ITGAE: variants seen among roughly 807,000 people sequenced by gnomAD.
ITGAE encodes the protein integrin alpha-E.
In ITGAE, 99 loss-of-function variants were observed where a neutral mutation model predicts 136.5. That is an observed-to-expected ratio of 0.73 (90% confidence interval 0.62 to 0.86). ITGAE has a LOEUF of 0.86. ITGAE is among the 40% of genes least tolerant of loss of function. The pLI is 0.00. For missense variants in ITGAE, 1,447 were observed against 1,515.3 expected, an observed-to-expected ratio of 0.95 and a Z score of 0.75; for synonymous variants, 613 against 591.8, an observed-to-expected ratio of 1.04 and a Z score of -0.52.
At chr17:3,742,404 CTA>C (rs1341912433) in intron 19 of ITGAE, among the ~76,000 whole-genome samples, 2 of 150,374 alleles carry the variant, frequency 1.3e-5, no homozygotes, top group Non-Finnish European at 3.0e-5. Flanking sequence ...GATTATTGTA[CTA>C]TGTTAAGACA....
intron 26 of ITGAE, chr17:3,724,377 C>T (rs1432397167): frequency 6.2e-7 from 1 of 1,608,290 alleles, no homozygotes; most frequent in East Asian, 2.2e-5. Context: ...CCGCCTCAGC[C>T]CGGACCTCAG....
At chr17:3,725,895 A>G in intron 26 of ITGAE, 2 of 1,612,388 alleles carry the variant, frequency 1.2e-6, no homozygotes, top group South Asian at 2.2e-5. Context: ...ACACTGGGGG[A>G]ACGTGCTCTT....
chr17:3,795,769 ACGTG>A (rs374218569), intron 1 of ITGAE, among the ~76,000 whole-genome samples: 4,724 of 152,164 alleles, frequency 0.031, 267 homozygotes, highest in African/African-American at 0.11. Flanking sequence ...GAGACTGTGT[ACGTG>A]CGTGTGTGCA....
chr17:3,748,315 G>A (rs769445692), intron 16 of ITGAE, among the ~76,000 whole-genome samples: 9 of 152,248 alleles, frequency 5.9e-5, no homozygotes, highest in Non-Finnish European at 2.9e-5. Flanking sequence ...GGCCGAGTGC[G>A]GTGGCTCACG....
chr17:3,731,121 G>C lies in ITGAE; in HGVS notation c.2817C>G (p.Ile939Met), dbSNP rs765228710. ...GTACTTACTTGGTGACAGTCACAGTGATGTCTGCTGTCCTGTTTGGAAAGG... is the reference window on the plus strand; with the variant it reads ...GTACTTACTTGGTGACAGTCACAGTCATGTCTGCTGTCCTGTTTGGAAAGG... ...ENAFPNRTAD[I>M]TVTVTNSNER... Residue 939 changes from isoleucine (I) to methionine (M), a missense_variant, in exon 23 of 31, where the codon ATC (isoleucine) becomes ATG (methionine). Around this residue, in one of 3 missense-constraint regions of ITGAE, gnomAD observed 1,031 missense variants for 1,011.4 expected, o/e 1.02. Coordinates refer to ENST00000263087, the MANE Select transcript of ITGAE (RefSeq NM_002208.5). 1.9e-6 allele frequency: 3 copies of C among 1,613,372 alleles called. No homozygotes were observed. Among genetic ancestry groups the C allele is most frequent in the South Asian group, 2.2e-5 (2 of 91,062 alleles).
chr17:3,769,530 G>C (rs2052371985), intron 2 of ITGAE, among the ~76,000 whole-genome samples: 1 of 152,162 alleles, frequency 6.6e-6, no homozygotes, highest in Non-Finnish European at 1.5e-5. Context: ...CAGGTTTGTT[G>C]ACCACGTGGC....
chr17:3,741,070 A>ATTTTTTTT (rs58434003), intron 19 of ITGAE, among the ~76,000 whole-genome samples: 3 of 76,784 alleles, frequency 3.9e-5, no homozygotes, highest in Non-Finnish European at 6.9e-5. Flanking sequence ...TTTTTGTTGT[A>ATTTTTTTT]TTTTTTTTTT....
At chr17:3,738,781 A>G (rs1045313875) in intron 20 of ITGAE, 1 of 152,382 alleles carries the variant, frequency 6.6e-6, no homozygotes, top group Non-Finnish European at 1.5e-5. Context: ...CTCCGCCTCC[A>G]TTCTGTCAGC....
intron 1 of ITGAE, among the ~76,000 whole-genome samples, chr17:3,785,451 G>C (rs901841046): frequency 6.7e-6 from 1 of 150,330 alleles, no homozygotes; most frequent in African/African-American, 2.5e-5. Flanking sequence ...CCTAGGCACA[G>C]AGTGAGACTT....
chr17:3,786,392 G>A (rs2052799330), intron 1 of ITGAE, among the ~76,000 whole-genome samples: 1 of 151,938 alleles, frequency 6.6e-6, no homozygotes, highest in African/African-American at 2.4e-5. Flanking sequence ...CATTTAAAGA[G>A]AAATAATGCC....
Position 3,727,927 on chromosome 17 carries a change from T to C in ITGAE, c.3076A>G (p.Arg1026Gly). ...LQVVAVKKLT[R>G]TQASTVCTWS... is the part of the protein sequence containing the mutation. ...GAACTGCCTTTAAATACCTGAGTCC[T>C]CGTCAGCTTCTTCACTGCTACAACC... The change falls in exon 26 of 31, where the codon AGG (arginine) becomes GGG (glycine). Residue 1026 changes from arginine (R) to glycine (G), a missense_variant. Physicochemically the swap from Arg to Gly is moderately radical, Grantham distance 125. This residue lies in a region of ITGAE where 1,031 missense variants were observed against 1,011.4 expected (regional missense o/e 1.02). Transcript: ENST00000263087. 1 of 1,609,292 alleles carries C rather than the reference T, an allele frequency of 6.2e-7. No homozygotes were observed. Among genetic ancestry groups the C allele is most frequent in the African/African-American group, 1.3e-5 (1 of 74,886 alleles).
intron 2 of ITGAE, 93 bp downstream of exon 2, chr17:3,777,447 T>G (rs984040552): frequency 6.9e-7 from 1 of 1,455,000 alleles, no homozygotes; most frequent in Non-Finnish European, 9.3e-7. Context: ...GACGGTGGGG[T>G]GGGGTGGGCT....
Position 3,757,988 on chromosome 17 carries a change from G to A in ITGAE, c.867-129C>T, listed in dbSNP as rs2052071364. 4 of 1,096,422 alleles carry A rather than the reference G, an allele frequency of 3.6e-6. No individual in the cohort carries two copies. In the South Asian group the frequency reaches 5.9e-5, roughly 16 times the overall value. 67.9% of individuals were successfully genotyped at this position (1,096,422 alleles called of 1,614,324 possible). On this transcript the variant is annotated intron_variant, in intron 8 of 30. Coordinates refer to ENST00000263087, the MANE Select transcript of ITGAE (RefSeq NM_002208.5). ...CAATCCTCCCGAAAGACCCAGAGAA[G>A]GGGGTGATGCCCCCTTAAGTCACGC... is the stretch of plus-strand genomic sequence containing the variant.
chr17:3,756,695 A>ACGCTCAGCCTATTTTTCT (rs2052035257), intron 10 of ITGAE, among the ~76,000 whole-genome samples: 1 of 152,158 alleles, frequency 6.6e-6, no homozygotes, highest in Non-Finnish European at 1.5e-5. Context: ...GTGAGCCACC[A>ACGCTCAGCCTATTTTTCT]CACCTGGCCC....
intron 2 of ITGAE, 143 bp from the exon 3 acceptor site, chr17:3,764,103 T>C: frequency 4.8e-6 from 3 of 624,804 alleles, no homozygotes; most frequent in Non-Finnish European, 8.6e-6. Context: ...GACTCTGGAT[T>C]ATGGGGAAGA....
At chr17:3,753,489 G>C (rs1240828867) in intron 13 of ITGAE, 59 bp from the exon 14 acceptor site, 2 of 1,576,770 alleles carry the variant, frequency 1.3e-6, no homozygotes, top group East Asian at 2.2e-5. Context: ...CCTCAGCAAG[G>C]CTACACCCCT....
intron 22 of ITGAE, 111 bp downstream of exon 22, chr17:3,732,257 T>G (rs529097865): frequency 1.2e-6 from 1 of 824,466 alleles, no homozygotes; most frequent in Admixed American, 1.8e-5. Context: ...GGGGACACAC[T>G]GCAGTCAAGC....
intron 18 of ITGAE, 80 bp from the exon 19 acceptor site, chr17:3,743,697 CTTTTTTTCTTTTT>C: frequency 8.2e-7 from 1 of 1,212,322 alleles, no homozygotes; most frequent in South Asian, 1.4e-5. Context: ...TTTTCTTTTT[CTTTTTTTCTTTTT>C]TTTTTTTTTT....
intron 30 of ITGAE, 124 bp from the exon 31 acceptor site, chr17:3,715,066 C>T: frequency 1.6e-6 from 1 of 621,144 alleles, no homozygotes; most frequent in Non-Finnish European, 2.9e-6. Context: ...TTACTACTCC[C>T]TTCTCCTAAC....
Sources: allele counts gnomAD v4.1 joint callset (sites outside exome capture counted in the v4.1 genomes callset), GRCh38; gene constraint gnomAD v4.1.1; regional missense constraint gnomAD v4.1.1; transcripts MANE v1.5; gene names NCBI Gene and HGNC (gene_info 2026-07-23, HGNC 2026-07-21).